The following ITGA8 variants were observed in gnomAD, a reference collection of about 807,000 sequenced individuals.
ITGA8 encodes integrin subunit alpha 8, also known as integrin alpha-8.
ITGA8 carries 91 observed loss-of-function variants against 142.3 expected under a neutral mutation model. That is an observed-to-expected ratio of 0.64 (90% CI 0.54 to 0.76). The LOEUF (loss-of-function observed/expected upper bound fraction) is 0.76, where lower values mean the gene tolerates loss of function less well. ITGA8 is among the 30% of genes least tolerant of loss of function. The probability of loss-of-function intolerance (pLI) is 0.00; values close to 1 mark genes in which losing one functional copy is unlikely to be tolerated. For missense variants in ITGA8, 1,406 were observed against 1,327.7 expected (o/e 1.06, Z -0.92); for synonymous variants, 505 against 485.2 (o/e 1.04, Z -0.54).
At chr10:15,608,527 G>T (rs1833239717) in intron 15 of ITGA8, among the ~76,000 whole-genome samples, 1 of 152,110 alleles carries the variant, frequency 6.6e-6, no homozygotes, top group Non-Finnish European at 1.5e-5. Context: ...AGTACAGGAG[G>T]TTAACTGATT....
chr10:15,547,429 G>T (rs1833698151), intron 27 of ITGA8, among the ~76,000 whole-genome samples: 1 of 152,160 alleles, frequency 6.6e-6, no homozygotes, highest in South Asian at 2.1e-4. Context: ...AAAATTAGCT[G>T]GGCATGGTGG....
chr10:15,611,692 C>CGTATTAGCCAGG (rs1554777623), intron 15 of ITGA8, among the ~76,000 whole-genome samples: 14 of 151,516 alleles, frequency 9.2e-5, no homozygotes, highest in Non-Finnish European at 1.5e-5. Flanking sequence ...AGGGTTTCAC[C>CGTATTAGCCAGG]ATGGTCTCGA....
intron 27 of ITGA8, among the ~76,000 whole-genome samples, chr10:15,532,969 T>C (rs1051004863): frequency 2.6e-5 from 4 of 152,206 alleles, no homozygotes; most frequent in African/African-American, 7.2e-5. Context: ...ACCTGGCATC[T>C]CTTCCCAGCT....
chr10:15,570,837 G>C (rs965812777), intron 25 of ITGA8, among the ~76,000 whole-genome samples: 2 of 152,066 alleles, frequency 1.3e-5, no homozygotes, highest in Non-Finnish European at 2.9e-5. Flanking sequence ...AATAGTGTCA[G>C]ATATAAACTA....
chr10:15,553,160 G>A (rs1323690338), intron 26 of ITGA8, among the ~76,000 whole-genome samples: 1 of 152,142 alleles, frequency 6.6e-6, no homozygotes, highest in Non-Finnish European at 1.5e-5. Flanking sequence ...AGGAGACTGA[G>A]GTGGGAGGAT....
chr10:15,532,923 G>A (rs1833341545), intron 27 of ITGA8, among the ~76,000 whole-genome samples: 1 of 152,112 alleles, frequency 6.6e-6, no homozygotes, highest in Admixed American at 6.5e-5. Flanking sequence ...TATGTCTACT[G>A]TATCTGTAAG....
chr10:15,706,686 T>C (rs1022057157), intron 2 of ITGA8, among the ~76,000 whole-genome samples: 1 of 152,170 alleles, frequency 6.6e-6, no homozygotes, highest in African/African-American at 2.4e-5. Context: ...GTGGTCCTCC[T>C]GCCTTGGTCT....
chr10:15,593,838 GAT>G (rs1491562990), intron 21 of ITGA8, among the ~76,000 whole-genome samples: 30 of 124,872 alleles, frequency 2.4e-4, no homozygotes, highest in African/African-American at 9.0e-4. Flanking sequence ...CCCCAGCAAA[GAT>G]TTTTTTTTTT....
intron 3 of ITGA8, 24 bp from the exon 4 acceptor site, chr10:15,684,151 A>G (rs749902853): frequency 6.8e-5 from 108 of 1,595,944 alleles, no homozygotes; most frequent in Non-Finnish European, 9.1e-5. Context: ...AAGACAAAAA[A>G]ATACATTTTT....
At chr10:15,587,820 T>A (rs934640740) in intron 22 of ITGA8, among the ~76,000 whole-genome samples, 2 of 152,222 alleles carry the variant, frequency 1.3e-5, no homozygotes, top group African/African-American at 2.4e-5. Flanking sequence ...TAATTAGATA[T>A]GAAACAACTT....
intron 8 of ITGA8, among the ~76,000 whole-genome samples, chr10:15,662,560 A>G (rs535373475): frequency 9.2e-5 from 14 of 151,970 alleles, no homozygotes; most frequent in African/African-American, 3.4e-4. Context: ...GCTGGTCTCA[A>G]ACTCCTGGGT....
chr10:15,610,583 T>C (rs1333146401), intron 15 of ITGA8, among the ~76,000 whole-genome samples: 4 of 152,204 alleles, frequency 2.6e-5, no homozygotes, highest in Non-Finnish European at 4.4e-5. Context: ...GCTTTTGATA[T>C]GGCCAGAAGG....
intron 27 of ITGA8, among the ~76,000 whole-genome samples, chr10:15,539,970 C>T (rs1165525655): frequency 6.6e-6 from 1 of 152,066 alleles, no homozygotes. Flanking sequence ...TGGGAGTTCC[C>T]CTGCACATGC....
intron 11 of ITGA8, among the ~76,000 whole-genome samples, chr10:15,649,472 A>G (rs1255366150): frequency 6.6e-6 from 1 of 151,990 alleles, no homozygotes; most frequent in Non-Finnish European, 1.5e-5. Context: ...TCTACTAAAA[A>G]TACAAAAATT....
intron 27 of ITGA8, among the ~76,000 whole-genome samples, chr10:15,547,871 G>A (rs945689262): frequency 2.0e-5 from 3 of 152,056 alleles, no homozygotes; most frequent in African/African-American, 7.3e-5. Flanking sequence ...AATAGTTACT[G>A]TGCCCAACAC....
In ITGA8 at chr10:15,684,140, A is replaced by G; in HGVS notation, c.445-13T>C. ...AAGGAGCACAGGCCTAGGAAACATC[A>G]AAGACAAAAAAATACATTTTTGATG... is the stretch of plus-strand genomic sequence containing the variant. On this transcript the variant is annotated splice_polypyrimidine_tract_variant and intron_variant, in intron 3 of 29. Coordinates refer to ENST00000378076, the MANE Select transcript of ITGA8 (RefSeq NM_003638.3). The G allele has an allele frequency of 6.3e-7, 1 of 1,598,586 alleles. No individual in the cohort carries two copies. Among genetic ancestry groups the G allele is most frequent in the South Asian group, 1.1e-5 (1 of 87,394 alleles).
At position 15,586,578 on chromosome 10, in the gene ITGA8, ACTT is replaced by A; in HGVS notation, c.2372+3_2372+5del. ...GATATTGTACTATGCATTGCTTACT[ACTT>A]ACCCTCTTATTTCCACCTGCGCTAC... On this transcript the variant is annotated splice_donor_5th_base_variant and intron_variant, in intron 23 of 29. Coordinates refer to ENST00000378076, the MANE Select transcript of ITGA8 (RefSeq NM_003638.3). 1 of 1,569,176 alleles carries A rather than the reference ACTT, an allele frequency of 6.4e-7. No homozygotes were observed.
At chr10:15,552,403 G>A (rs1030269819) in intron 26 of ITGA8, among the ~76,000 whole-genome samples, 1 of 152,120 alleles carries the variant, frequency 6.6e-6, no homozygotes, top group East Asian at 1.9e-4. Flanking sequence ...CTCCCACAGT[G>A]CTGGGATTAC....
At chr10:15,582,868 G>A (rs1834435289) in intron 23 of ITGA8, among the ~76,000 whole-genome samples, 1 of 152,234 alleles carries the variant, frequency 6.6e-6, no homozygotes, top group Non-Finnish European at 1.5e-5. Flanking sequence ...GAAAACAGTT[G>A]CACAGTTTCT....
Sources: gnomAD v4.1 joint callset for allele counts (sites outside exome capture counted in the v4.1 genomes callset) on GRCh38, gnomAD v4.1.1 for gene constraint, MANE v1.5 for transcripts, NCBI Gene and HGNC (gene_info 2026-07-23, HGNC 2026-07-21) for gene names.